Variants in NTRK3 observed in about 807,000 individuals in gnomAD.
The protein encoded by NTRK3 is NT-3 growth factor receptor.
A neutral mutation model predicts 91.7 loss-of-function variants in NTRK3; 24 were observed. That is an observed-to-expected ratio of 0.26 (90% CI 0.19 to 0.37). NTRK3 has a LOEUF of 0.37. Ranked by LOEUF, NTRK3 falls within the 10% of genes least tolerant of loss-of-function variation. The pLI is 1.00. For synonymous variants in NTRK3, 483 were observed against 404.0 expected, an observed-to-expected ratio of 1.20 and a Z score of -2.34; for missense variants, 880 against 1,068.9, an observed-to-expected ratio of 0.82 and a Z score of 2.46.
intron 15 of NTRK3, among the ~76,000 whole-genome samples, chr15:87,933,419 C>G (rs554199153): frequency 6.6e-6 from 1 of 152,248 alleles, no homozygotes; most frequent in Non-Finnish European, 1.5e-5. Context: ...ATCCCGTGCA[C>G]TCTCCAGTGA....
chr15:88,182,873 C>T (rs2046610878), intron 5 of NTRK3, among the ~76,000 whole-genome samples: 1 of 152,124 alleles, frequency 6.6e-6, no homozygotes, highest in Non-Finnish European at 1.5e-5. Context: ...CCACCCATAA[C>T]CACCTGACCT....
At chr15:88,140,701 T>C (rs536847371) in intron 6 of NTRK3, among the ~76,000 whole-genome samples, 46 of 152,316 alleles carry the variant, frequency 3.0e-4, no homozygotes, top group African/African-American at 1.1e-3. Context: ...CACGGTATGC[T>C]CATGAGAGGA....
At chr15:88,136,337 G>A in intron 8 of NTRK3, 130 bp downstream of exon 8, 1 of 1,191,142 alleles carries the variant, frequency 8.4e-7, no homozygotes, top group Non-Finnish European at 1.2e-6. Context: ...AGAAAATATT[G>A]CAGCTGCATG....
chr15:88,071,379 G>C (rs1050021567), intron 13 of NTRK3, among the ~76,000 whole-genome samples: 1 of 152,258 alleles, frequency 6.6e-6, no homozygotes, highest in African/African-American at 2.4e-5. Flanking sequence ...ATTTCAACCT[G>C]TCACTTCTGT....
intron 5 of NTRK3, among the ~76,000 whole-genome samples, chr15:88,153,829 T>C (rs1456386809): frequency 1.3e-5 from 2 of 151,952 alleles, no homozygotes; most frequent in African/African-American, 4.8e-5. Flanking sequence ...TCATGAGGGC[T>C]CTGCCCCCAT....
chr15:88,010,107 C>G (rs1186125056), intron 14 of NTRK3, among the ~76,000 whole-genome samples: 1 of 152,186 alleles, frequency 6.6e-6, no homozygotes, highest in Non-Finnish European at 1.5e-5. Flanking sequence ...TTTGGCATGA[C>G]CAGCCCCCTC....
chr15:88,217,372 G>A (rs919265190), intron 3 of NTRK3, among the ~76,000 whole-genome samples: 5 of 152,322 alleles, frequency 3.3e-5, no homozygotes, highest in Admixed American at 2.0e-4. Context: ...GCAGATGAAT[G>A]GATAACAAAA....
At chr15:88,008,568 T>C (rs1310380335) in intron 14 of NTRK3, among the ~76,000 whole-genome samples, 1 of 152,046 alleles carries the variant, frequency 6.6e-6, no homozygotes, top group Non-Finnish European at 1.5e-5. Flanking sequence ...AGGACACATA[T>C]TTACTATCCA....
chr15:88,070,588 C>T (rs1398720535), intron 13 of NTRK3, among the ~76,000 whole-genome samples: 1 of 152,106 alleles, frequency 6.6e-6, no homozygotes, highest in Non-Finnish European at 1.5e-5. Context: ...CTAGTCCAAA[C>T]TCCCATTCCC....
At chr15:87,906,299 G>A (rs576064194) in intron 17 of NTRK3, among the ~76,000 whole-genome samples, 29 of 152,350 alleles carry the variant, frequency 1.9e-4, no homozygotes, top group Non-Finnish European at 3.2e-4. Flanking sequence ...TAGAGCAGGT[G>A]TTCAGCAGCT....
At chr15:88,007,836 C>T (rs568473690) in intron 14 of NTRK3, among the ~76,000 whole-genome samples, 3 of 152,124 alleles carry the variant, frequency 2.0e-5, no homozygotes, top group African/African-American at 4.8e-5. Flanking sequence ...TCAGTAATCT[C>T]GTCTGTAAAA....
At chr15:88,055,757 G>A (rs1421744897) in intron 13 of NTRK3, among the ~76,000 whole-genome samples, 1 of 152,114 alleles carries the variant, frequency 6.6e-6, no homozygotes, top group African/African-American at 2.4e-5. Flanking sequence ...GCCCTCTCTG[G>A]TTCCATGCTG....
At chr15:87,869,799 G>T in exon 19 of NTRK3, 2 of 200,936 alleles carry the variant, frequency 1.0e-5, no homozygotes, top group Non-Finnish European at 1.0e-5. Context: ...ATGCCAGGTA[G>T]CTATTAAATT....
At chr15:87,949,996 C>G (rs1157983205) in intron 14 of NTRK3, among the ~76,000 whole-genome samples, 1 of 152,168 alleles carries the variant, frequency 6.6e-6, no homozygotes, top group Non-Finnish European at 1.5e-5. Context: ...ATATGAGGGT[C>G]ACATCCCACC....
At chr15:88,223,536 C>A (rs1394462702) in intron 3 of NTRK3, among the ~76,000 whole-genome samples, 1 of 152,226 alleles carries the variant, frequency 6.6e-6, no homozygotes. Context: ...GCCCAGGGGC[C>A]AGAAGCAGGC....
At chr15:88,198,523 A>T (rs1320128962) in intron 3 of NTRK3, among the ~76,000 whole-genome samples, 2 of 152,080 alleles carry the variant, frequency 1.3e-5, no homozygotes, top group South Asian at 2.1e-4. Flanking sequence ...TCACCCTCTA[A>T]TTCCTGAGAA....
At chr15:88,135,928 C>G in exon 9 of NTRK3, 1 of 1,614,222 alleles carries the variant, frequency 6.2e-7, no homozygotes, top group African/African-American at 1.3e-5. Context: ...ACTGGCATTG[C>G]TCATGCCCAC....
chr15:88,076,672 T>TAAAAAAAAAA (rs34053167), intron 13 of NTRK3, among the ~76,000 whole-genome samples: 1 of 120,410 alleles, frequency 8.3e-6, no homozygotes, highest in Non-Finnish European at 1.8e-5. Flanking sequence ...TATACATATG[T>TAAAAAAAAAA]AAAAAAAAAA....
chr15:87,979,240 C>G, intron 14 of NTRK3: 1 of 890,284 alleles, frequency 1.1e-6, no homozygotes, highest in Non-Finnish European at 1.9e-6. Context: ...GCAGTTTCTA[C>G]TTAGCATCCC....
Sources: gnomAD v4.1 joint callset for allele counts (sites outside exome capture counted in the v4.1 genomes callset) on GRCh38, gnomAD v4.1.1 for gene constraint, MANE v1.5 for transcripts, NCBI Gene and HGNC (gene_info 2026-07-23, HGNC 2026-07-21) for gene names.